The following RNFT2 variants were observed in gnomAD, a reference collection of about 807,000 sequenced individuals.
RNFT2 encodes E3 ubiquitin-protein ligase RNFT2.
In RNFT2, 36 loss-of-function variants were observed where a neutral mutation model predicts 53.0. That is an observed-to-expected ratio of 0.68 (90% CI 0.52 to 0.90). The LOEUF is 0.90. RNFT2 is among the 40% of genes least tolerant of loss of function. RNFT2 has a pLI of 0.00. For missense variants in RNFT2, 514 were observed against 585.6 expected, an observed-to-expected ratio of 0.88 and a Z score of 1.26; for synonymous variants, 260 against 253.2, an observed-to-expected ratio of 1.03 and a Z score of -0.26.
rs759690045 is a variant in RNFT2, at chr12:116,750,787, ATG to A, written c.550+490_550+491del. Among the ~76,000 whole-genome samples, 308 of 120,130 alleles carry A rather than the reference ATG, an allele frequency of 2.6e-3. 3 individuals are homozygous for A. The highest frequency in any genetic ancestry group is 8.8e-3 in the African/African-American group (258 of 29,454). 78.8% of individuals were successfully genotyped at this position (120,130 alleles called of 152,430 possible). A position where few individuals can be genotyped will look rare whatever the true frequency, so the allele number is the denominator to read the frequency against. On this transcript the variant is annotated intron_variant, in intron 4 of 10. Coordinates refer to ENST00000257575, the MANE Select transcript of RNFT2 (RefSeq NM_001382266.1). Reference sequence around the variant, plus strand: ...GTGTAAAACACATTATTTTTACTATATGTGTGTGTGTATATATATATAATATA... The same window carrying A: ...GTGTAAAACACATTATTTTTACTATATGTGTGTGTATATATATATAATATA...
rs533529973 is a variant in RNFT2, at chr12:116,767,460, C to A, written c.728+546C>A. The stretch of plus-strand genomic sequence containing the variant: ...GCTCGGACCTCTGAGCTCAGGCAAT[C>A]CACCTGCCTTGGCCTCCCAAAGTGC... On this transcript the variant is annotated intron_variant, in intron 6 of 10. Transcript: ENST00000257575. 2.8e-3 allele frequency among the ~76,000 whole-genome samples: 428 copies of A among 152,348 alleles called. 1 individual carries two copies. Among genetic ancestry groups the A allele is most frequent in the African/African-American group, 1.0e-2 (414 of 41,568 alleles).
At position 116,794,867 on chromosome 12, in the gene RNFT2, C is replaced by T. The variant is rs368062736; in HGVS notation, c.882+15519C>T. Among the ~76,000 whole-genome samples, 35 of 152,090 alleles carry T rather than the reference C, an allele frequency of 2.3e-4. 1 individual carries two copies. The highest frequency in any genetic ancestry group is 1.4e-3 in the East Asian group (7 of 5,176). ...CCAATTTCACTGATGTTATTCAGGACCTGTTTGCTTACAGGGGCAATGCTA... is the reference window on the plus strand; with the variant it reads ...CCAATTTCACTGATGTTATTCAGGATCTGTTTGCTTACAGGGGCAATGCTA... On this transcript the variant is annotated intron_variant, in intron 7 of 10. Transcript: ENST00000257575.
At chr12:116,779,552 C>G (rs1228004759) in intron 7 of RNFT2, among the ~76,000 whole-genome samples, 4 of 152,192 alleles carry the variant, frequency 2.6e-5, no homozygotes, top group Admixed American at 2.6e-4. Context: ...ACCACTTTGT[C>G]ACACCTCTAC....
At chr12:116,816,387 C>T (rs909108264) in intron 7 of RNFT2, among the ~76,000 whole-genome samples, 2 of 152,200 alleles carry the variant, frequency 1.3e-5, no homozygotes, top group Non-Finnish European at 1.5e-5. Context: ...TTTGGGGCCT[C>T]AGCCTGGCCC....
intron 4 of RNFT2, among the ~76,000 whole-genome samples, chr12:116,750,518 TCA>T (rs1872140659): frequency 6.6e-6 from 1 of 152,074 alleles, no homozygotes; most frequent in South Asian, 2.1e-4. Flanking sequence ...TCTCTGAGCC[TCA>T]GTTTCCTCAT....
intron 10 of RNFT2, among the ~76,000 whole-genome samples, chr12:116,840,661 G>A (rs929893164): frequency 6.6e-6 from 1 of 152,130 alleles, no homozygotes; most frequent in Non-Finnish European, 1.5e-5. Context: ...CAATATCCTA[G>A]GCACTAACTC....
chr12:116,775,836 A>G (rs1873409088), intron 6 of RNFT2, among the ~76,000 whole-genome samples: 1 of 152,230 alleles, frequency 6.6e-6, no homozygotes. Context: ...TGAGGCCAGG[A>G]GTCTGAGACC....
At chr12:116,776,609 G>C (rs920215548) in intron 6 of RNFT2, among the ~76,000 whole-genome samples, 4 of 152,176 alleles carry the variant, frequency 2.6e-5, no homozygotes, top group Admixed American at 6.5e-5. Flanking sequence ...AAATAACCCA[G>C]ACCAATCCGT....
chr12:116,815,998 G>A (rs935101052), intron 7 of RNFT2, among the ~76,000 whole-genome samples: 4 of 152,108 alleles, frequency 2.6e-5, no homozygotes, highest in South Asian at 2.1e-4. Flanking sequence ...CCACTCCCTA[G>A]TGTTTTGGGA....
At chr12:116,743,072 C>A (rs576316722) in intron 3 of RNFT2, among the ~76,000 whole-genome samples, 4 of 83,128 alleles carry the variant, frequency 4.8e-5, no homozygotes, top group South Asian at 9.6e-4. Flanking sequence ...CAGAGTGAGA[C>A]CCTATCTCAA....
chr12:116,792,238 C>G (rs140455398), intron 7 of RNFT2, among the ~76,000 whole-genome samples: 2 of 151,924 alleles, frequency 1.3e-5, no homozygotes, highest in African/African-American at 4.8e-5. Flanking sequence ...TTAGTAGAGA[C>G]GGGGTTTCAC....
chr12:116,785,351 G>A (rs909241515), intron 7 of RNFT2, among the ~76,000 whole-genome samples: 1 of 151,506 alleles, frequency 6.6e-6, no homozygotes, highest in African/African-American at 2.4e-5. Flanking sequence ...GGAGTACAGA[G>A]GCGCAATCAC....
intron 5 of RNFT2, among the ~76,000 whole-genome samples, chr12:116,754,855 T>C (rs1281078753): frequency 6.6e-6 from 1 of 152,220 alleles, no homozygotes; most frequent in Admixed American, 6.5e-5. Context: ...CTTACTGATT[T>C]GTTTGAGTTT....
chr12:116,852,375 A>AC lies in RNFT2; in HGVS notation c.*2928dup. ...TGCCCCTGTGTGCCACCAAACCAGG[A>AC]CTTTCCCCTTGGCTTGGCATCCCTG... On this transcript the variant is annotated 3_prime_UTR_variant, in exon 11 of 11. Transcript: ENST00000257575. 1.6e-6 allele frequency: 2 copies of AC among 1,252,360 alleles called. No homozygotes were observed. The highest frequency in any genetic ancestry group is 3.7e-5 in the South Asian group (2 of 54,162). 77.6% of individuals were successfully genotyped at this position (1,252,360 alleles called of 1,614,324 possible). A position where few individuals can be genotyped will look rare whatever the true frequency, so the allele number is the denominator to read the frequency against.
chr12:116,805,445 T>C (rs1030043069), intron 7 of RNFT2, among the ~76,000 whole-genome samples: 3 of 152,110 alleles, frequency 2.0e-5, no homozygotes, highest in Admixed American at 6.6e-5. Flanking sequence ...TGAAAGCTCT[T>C]GGAAGGAGCT....
At chr12:116,744,246 G>A (rs1325607256) in intron 3 of RNFT2, among the ~76,000 whole-genome samples, 1 of 142,760 alleles carries the variant, frequency 7.0e-6, no homozygotes, top group Non-Finnish European at 1.5e-5. Flanking sequence ...AAAAAAAAGA[G>A]TTGTTTATGG....
At chr12:116,834,173 C>T (rs968043816) in intron 8 of RNFT2, among the ~76,000 whole-genome samples, 11 of 151,878 alleles carry the variant, frequency 7.2e-5, no homozygotes, top group African/African-American at 2.2e-4. Context: ...GGCTGGAGTT[C>T]GGTAGCGCAG....
intron 6 of RNFT2, among the ~76,000 whole-genome samples, chr12:116,776,916 ATTT>A (rs10634667): frequency 7.9e-6 from 1 of 125,922 alleles, no homozygotes; most frequent in Non-Finnish European, 1.6e-5. Flanking sequence ...TCAAAATGGG[ATTT>A]TTTTTTTTTT....
At chr12:116,750,851 A>ATAAT (rs1491288992) in intron 4 of RNFT2, among the ~76,000 whole-genome samples, 1 of 105,572 alleles carries the variant, frequency 9.5e-6, no homozygotes, top group African/African-American at 4.0e-5. Flanking sequence ...ATATATATAT[A>ATAAT]ATATATATTA....
Sources: allele counts gnomAD v4.1 joint callset (sites outside exome capture counted in the v4.1 genomes callset), GRCh38; gene constraint gnomAD v4.1.1; transcripts MANE v1.5; gene names NCBI Gene and HGNC (gene_info 2026-07-23, HGNC 2026-07-21).